The following NAF1 variants were observed in gnomAD, a reference collection of about 807,000 sequenced individuals.
The protein encoded by NAF1 is H/ACA ribonucleoprotein complex non-core subunit NAF1.
In NAF1, 11 loss-of-function variants were observed where a neutral mutation model predicts 40.6. The observed-to-expected ratio is 0.27, with a 90% CI of 0.17 to 0.45. The LOEUF (loss-of-function observed/expected upper bound fraction) is 0.45, where lower values mean the gene tolerates loss of function less well. Ranked by LOEUF, NAF1 falls within the 20% of genes least tolerant of loss-of-function variation. The pLI is 1.00. For synonymous variants in NAF1, 260 were observed against 228.5 expected, an observed-to-expected ratio of 1.14 and a Z score of -1.24; for missense variants, 607 against 611.1, an observed-to-expected ratio of 0.99 and a Z score of 0.07.
downstream of NAF1, among the ~76,000 whole-genome samples, chr4:163,126,349 C>T (rs932069326): frequency 4.6e-5 from 7 of 152,054 alleles, no homozygotes; most frequent in Non-Finnish European, 8.8e-5. Context: ...CCAATATTAA[C>T]AGGAGTTTGG....
chr4:163,111,489 T>C (rs1057000380), intron 2 of NAF1, among the ~76,000 whole-genome samples: 1 of 152,170 alleles, frequency 6.6e-6, no homozygotes, highest in African/African-American at 2.4e-5. Context: ...TGTCATAAAC[T>C]GAGGGAGCAG....
intron 7 of NAF1, 95 bp from the exon 8 acceptor site, chr4:163,129,443 G>T: frequency 1.6e-6 from 2 of 1,256,270 alleles, no homozygotes; most frequent in African/African-American, 1.5e-5. Flanking sequence ...TTATTATCCA[G>T]TATATCTTGT....
At position 163,133,241 on chromosome 4, in the gene NAF1, C is replaced by G; in HGVS notation, c.946G>C (p.Asp316His). 6.2e-7 allele frequency: 1 copy of G among 1,613,504 alleles called. No homozygotes were observed. Among genetic ancestry groups the G allele is most frequent in the Non-Finnish European group, 8.5e-7 (1 of 1,179,790 alleles). Residue 316 changes from aspartate to histidine, a missense_variant, in exon 7 of 8, where the codon GAT becomes CAT. Asp to His is a moderately conservative substitution (Grantham distance 81, BLOSUM62 -1). Coordinates refer to ENST00000274054, the MANE Select transcript of NAF1 (RefSeq NM_138386.3). ...TTGGCTTCCTTCTCTTTTTCATCAT[C>G]ACTAAAATCTAAGGCCTTGCAGAGA... ...EPPPEALDFS[D>H]DEKEKEAKQR...
At chr4:163,109,385 T>C (rs545184171), downstream of NAF1, among the ~76,000 whole-genome samples, 3 of 152,266 alleles carry the variant, frequency 2.0e-5, no homozygotes, top group South Asian at 2.1e-4. Context: ...TAAAAACTAA[T>C]ATTATCTACC....
chr4:163,117,108 T>C (rs1002420472), intron 2 of NAF1, among the ~76,000 whole-genome samples: 3 of 152,238 alleles, frequency 2.0e-5, no homozygotes, highest in African/African-American at 7.2e-5. Context: ...TGAGCTGTTT[T>C]ACAGTTCTAC....
chr4:163,106,863 CT>C (rs1442907441), downstream of NAF1, among the ~76,000 whole-genome samples: 1 of 152,170 alleles, frequency 6.6e-6, no homozygotes, highest in Non-Finnish European at 1.5e-5. Context: ...ACAAAATTCA[CT>C]TCAATTTATA....
downstream of NAF1, among the ~76,000 whole-genome samples, chr4:163,106,723 CTTA>C (rs1158715200): frequency 2.6e-5 from 4 of 151,772 alleles, no homozygotes; most frequent in Admixed American, 2.6e-4. Flanking sequence ...AAGAGTTAAT[CTTA>C]TGTTTTCTGA....
intron 4 of NAF1, among the ~76,000 whole-genome samples, chr4:163,140,860 G>A (rs1434128454): frequency 6.6e-6 from 1 of 152,128 alleles, no homozygotes; most frequent in Non-Finnish European, 1.5e-5. Context: ...TAGGAATTTT[G>A]TAAAATTACA....
intron 5 of NAF1, among the ~76,000 whole-genome samples, chr4:163,138,777 A>G (rs1247667530): frequency 2.0e-5 from 3 of 152,104 alleles, no homozygotes; most frequent in African/African-American, 7.2e-5. Flanking sequence ...CTATTTAAAA[A>G]CCATCTTCAG....
chr4:163,114,880 C>T (rs1157041546), intron 2 of NAF1, among the ~76,000 whole-genome samples: 9 of 152,024 alleles, frequency 5.9e-5, no homozygotes, highest in Non-Finnish European at 1.3e-4. Flanking sequence ...TTTTATTTTT[C>T]CATATGGTTT....
rs779156628 is a variant in NAF1 at position 163,140,249 on chromosome 4, T to C, written c.852A>G (p.Gln284=). Residue 284 remains glutamine (Q), a synonymous_variant, in exon 5 of 8, where the codon CAA becomes CAG. Coordinates refer to ENST00000274054, the MANE Select transcript of NAF1 (RefSeq NM_138386.3). The part of the protein sequence containing the change: ...YFAPSMKDFT[Q]YIFTEKLKQD... ...GTTTTAGTTTTTCTGTGAATATATA[T>C]TGAGTGAAATCTTTCATTGATGGAG... 6.2e-6 allele frequency: 10 copies of C among 1,604,562 alleles called. No individual in the cohort carries two copies. The highest frequency in any genetic ancestry group is 1.3e-5 in the African/African-American group (1 of 74,302).
downstream of NAF1, among the ~76,000 whole-genome samples, chr4:163,125,645 TA>T (rs980038243): frequency 2.0e-5 from 3 of 152,156 alleles, no homozygotes; most frequent in East Asian, 1.9e-4. Context: ...CTCCATAACA[TA>T]AAAGTGCAAG....
At chr4:163,125,777 T>C (rs996424052), downstream of NAF1, among the ~76,000 whole-genome samples, 19 of 152,238 alleles carry the variant, frequency 1.2e-4, no homozygotes, top group Admixed American at 3.3e-4. Flanking sequence ...AGGATTTTCA[T>C]AGCTGTAGAA....
chr4:163,164,378 C>A lies in NAF1; in HGVS notation c.379G>T (p.Asp127Tyr), dbSNP rs1416250430. Residue 127 changes from aspartate (D) to tyrosine (Y), a missense_variant, in exon 2 of 8, where the codon GAT (aspartate) becomes TAT (tyrosine). Asp to Tyr is a radical substitution (Grantham distance 160, BLOSUM62 -3). Coordinates refer to ENST00000274054, the MANE Select transcript of NAF1 (RefSeq NM_138386.3). ...DSDSDSETDS[D>Y]SSSSSSSSSS... The stretch of plus-strand genomic sequence containing the variant: ...GAGGAAGACGATGAACTTGAACTAT[C>A]TGAATCTGTTTCACTGTAGGGAAGA... 6.4e-7 allele frequency: 1 copy of A among 1,571,726 alleles called. No individual in the cohort carries two copies. The highest frequency in any genetic ancestry group is 1.4e-5 in the African/African-American group (1 of 73,138).
chr4:163,112,722 G>T (rs950613278), intron 2 of NAF1, among the ~76,000 whole-genome samples: 1 of 152,180 alleles, frequency 6.6e-6, no homozygotes, highest in Non-Finnish European at 1.5e-5. Flanking sequence ...GAGGGATGTG[G>T]ATGATACAGC....
chr4:163,164,325 GGAA>G lies in NAF1; in HGVS notation c.429_431del (p.Ser145del), dbSNP rs1560811013. Reference sequence around the variant, plus strand: ...GCACTGGAGGAAGTGATATACAAGAGGAAGAAGACGACGATGAGGAAGATGAAG... The same window carrying G: ...GCACTGGAGGAAGTGATATACAAGAGGAAGACGACGATGAGGAAGATGAAG... On this transcript the variant is annotated inframe_deletion, in exon 2 of 8. Transcript: ENST00000274054. 5.6e-6 allele frequency: 9 copies of G among 1,601,324 alleles called. No individual in the cohort carries two copies. The highest frequency in any genetic ancestry group is 2.3e-5 in the East Asian group (1 of 44,324).
At chr4:163,144,342 T>A (rs1731376248) in intron 4 of NAF1, among the ~76,000 whole-genome samples, 1 of 152,226 alleles carries the variant, frequency 6.6e-6, no homozygotes, top group South Asian at 2.1e-4. Flanking sequence ...GAGGTAATTT[T>A]ACTTCCTTGC....
At chr4:163,126,052 G>A (rs1353035600), downstream of NAF1, among the ~76,000 whole-genome samples, 1 of 152,162 alleles carries the variant, frequency 6.6e-6, no homozygotes, top group Non-Finnish European at 1.5e-5. Context: ...CTTTTGAAAT[G>A]CTACTGATCA....
downstream of NAF1, among the ~76,000 whole-genome samples, chr4:163,122,892 TTACCCAGTC>T (rs1426602765): frequency 3.9e-5 from 6 of 152,228 alleles, no homozygotes; most frequent in African/African-American, 1.4e-4. Flanking sequence ...TCATTATACA[TTACCCAGTC>T]TGTGATATTC....
Sources: allele counts gnomAD v4.1 joint callset (sites outside exome capture counted in the v4.1 genomes callset), GRCh38; gene constraint gnomAD v4.1.1; transcripts MANE v1.5; gene names NCBI Gene and HGNC (gene_info 2026-07-23, HGNC 2026-07-21).